Variants in PAPPA observed in about 807,000 individuals in gnomAD.
The protein encoded by PAPPA is pappalysin 1.
PAPPA carries 60 observed loss-of-function variants against 164.0 expected under a neutral mutation model. The ratio of observed to expected loss-of-function variants is 0.37; its 90% confidence interval spans 0.30 to 0.45. The LOEUF is 0.45. Among genes scored for constraint, PAPPA ranks in the 20% least tolerant of loss-of-function variants. The probability of loss-of-function intolerance (pLI) is 1.00; values close to 1 mark genes in which losing one functional copy is unlikely to be tolerated. For missense variants in PAPPA, 1,782 were observed against 2,087.3 expected (o/e 0.85, Z 2.85); for synonymous variants, 875 against 814.1 (o/e 1.07, Z -1.27).
At chr9:116,354,370 T>C (rs979881349) in intron 17 of PAPPA, among the ~76,000 whole-genome samples, 1 of 151,986 alleles carries the variant, frequency 6.6e-6, no homozygotes, top group East Asian at 1.9e-4. Flanking sequence ...GAATCAAGAA[T>C]AGGAAAAAGG....
At chr9:116,230,484 C>T (rs1844576593) in intron 6 of PAPPA, among the ~76,000 whole-genome samples, 1 of 152,098 alleles carries the variant, frequency 6.6e-6, no homozygotes, top group South Asian at 2.1e-4. Context: ...TACTCTGTGC[C>T]CTTGAGTGAG....
intron 8 of PAPPA, 103 bp downstream of exon 8, chr9:116,266,088 G>A (rs965931714): frequency 2.0e-6 from 2 of 985,328 alleles, no homozygotes; most frequent in Non-Finnish European, 1.5e-6. Context: ...TTCAGTGCAT[G>A]AGCTGTGAGC....
chr9:116,322,687 C>T (rs984468087), intron 10 of PAPPA, among the ~76,000 whole-genome samples: 1 of 152,118 alleles, frequency 6.6e-6, no homozygotes, highest in African/African-American at 2.4e-5. Context: ...TTCTTGCACC[C>T]TTGCAATTCT....
At chr9:116,340,458 C>T (rs1325088731) in intron 13 of PAPPA, among the ~76,000 whole-genome samples, 1 of 152,254 alleles carries the variant, frequency 6.6e-6, no homozygotes, top group Non-Finnish European at 1.5e-5. Context: ...CAATTTAAAA[C>T]TCTTAGTCCT....
Position 116,353,813 on chromosome 9 carries a change from A to C in PAPPA, c.4347+20A>C. 6.3e-7 allele frequency: 1 copy of C among 1,592,642 alleles called. No homozygotes were observed. Among genetic ancestry groups the C allele is most frequent in the Non-Finnish European group, 8.6e-7 (1 of 1,163,012 alleles). The stretch of plus-strand genomic sequence containing the variant: ...TCCCAGGTAAGCCTCCTGGAACTTG[A>C]GATTGATACCATGGTCCCTTTCCTT... On this transcript the variant is annotated intron_variant, in intron 17 of 21. Transcript: ENST00000328252.
At chr9:116,381,748 C>T (rs1442936630) in intron 20 of PAPPA, among the ~76,000 whole-genome samples, 2 of 152,122 alleles carry the variant, frequency 1.3e-5, no homozygotes, top group Non-Finnish European at 2.9e-5. Flanking sequence ...TTTGAGTCTC[C>T]GCATCTTCAT....
chr9:116,353,551 G>A (rs1439623577), intron 16 of PAPPA, 71 bp from the exon 17 acceptor site: 18 of 1,338,824 alleles, frequency 1.3e-5, no homozygotes, highest in Admixed American at 5.8e-5. Flanking sequence ...CCCAGCTGGT[G>A]GTGTTCATGC....
At chr9:116,250,582 C>A (rs1844849140) in intron 7 of PAPPA, among the ~76,000 whole-genome samples, 1 of 152,314 alleles carries the variant, frequency 6.6e-6, no homozygotes, top group South Asian at 2.1e-4. Flanking sequence ...TTGAGCTAAG[C>A]TCTGTGTATA....
chr9:116,159,555 A>G (rs952435179), intron 1 of PAPPA, among the ~76,000 whole-genome samples: 1 of 152,212 alleles, frequency 6.6e-6, no homozygotes, highest in Admixed American at 6.5e-5. Flanking sequence ...AACCACTGGG[A>G]CCTTTAAACA....
In PAPPA at chr9:116,223,645, A is replaced by G. The variant is rs1371178033; in HGVS notation, c.2111+3516A>G. ...TTAGCAGCTACGTTGACCATAGTCT[A>G]TGGCTAAAAGAAGTCAGTCCACAAA... On this transcript the variant is annotated intron_variant, in intron 5 of 21. Coordinates refer to ENST00000328252, the MANE Select transcript of PAPPA (RefSeq NM_002581.5). 2.0e-5 allele frequency among the ~76,000 whole-genome samples: 3 copies of G among 152,236 alleles called. No homozygotes were observed. In the East Asian group the frequency reaches 5.8e-4, roughly 29 times the overall value.
At chr9:116,317,640 G>A (rs964542539) in intron 10 of PAPPA, among the ~76,000 whole-genome samples, 3 of 152,270 alleles carry the variant, frequency 2.0e-5, no homozygotes, top group Admixed American at 6.5e-5. Flanking sequence ...TGGTGTTTTC[G>A]TATTCTGGTC....
intron 21 of PAPPA, among the ~76,000 whole-genome samples, chr9:116,392,318 G>A (rs2118729296): frequency 6.6e-6 from 1 of 152,288 alleles, no homozygotes; most frequent in African/African-American, 2.4e-5. Flanking sequence ...TTTGAAGTGG[G>A]GTTTGGAATC....
At chr9:116,215,754 AAAAC>A (rs1328086209) in intron 4 of PAPPA, among the ~76,000 whole-genome samples, 10 of 152,342 alleles carry the variant, frequency 6.6e-5, no homozygotes, top group African/African-American at 1.9e-4. Context: ...TGAAAGTTAA[AAAAC>A]AAACAAACAA....
rs1846972694 is a variant in PAPPA at position 116,396,931 on chromosome 9, G to C, written c.*315G>C. The C allele has an allele frequency of 2.7e-6, 1 of 374,164 alleles. No homozygotes were observed. The highest frequency in any genetic ancestry group is 2.0e-5 in the African/African-American group (1 of 49,408). 23.2% of individuals were successfully genotyped at this position (374,164 alleles called of 1,614,324 possible). Reference sequence around the variant, plus strand: ...CAGCAAGAAACGTGTTCTATATCTAGAGTGTGCCCATCTGTGTTTAGTACA... The same window carrying C: ...CAGCAAGAAACGTGTTCTATATCTACAGTGTGCCCATCTGTGTTTAGTACA... On this transcript the variant is annotated 3_prime_UTR_variant, in exon 22 of 22. Transcript: ENST00000328252.
At chr9:116,366,064 G>T (rs2118645235) in intron 18 of PAPPA, among the ~76,000 whole-genome samples, 1 of 152,288 alleles carries the variant, frequency 6.6e-6, no homozygotes, top group African/African-American at 2.4e-5. Context: ...ATAGCTAATA[G>T]AATAGGATAT....
chr9:116,345,084 C>T (rs1678192261), intron 14 of PAPPA, among the ~76,000 whole-genome samples: 1 of 152,176 alleles, frequency 6.6e-6, no homozygotes, highest in Non-Finnish European at 1.5e-5. Flanking sequence ...GATGCTCATT[C>T]ATTCACTAAT....
At chr9:116,312,518 C>A (rs540569009) in intron 10 of PAPPA, among the ~76,000 whole-genome samples, 1 of 152,120 alleles carries the variant, frequency 6.6e-6, no homozygotes, top group Non-Finnish European at 1.5e-5. Context: ...AAACCACATA[C>A]TCATTTCTCT....
chr9:116,191,754 C>T (rs1203349974), intron 2 of PAPPA, among the ~76,000 whole-genome samples: 2 of 152,146 alleles, frequency 1.3e-5, no homozygotes, highest in African/African-American at 4.8e-5. Context: ...AAGATGCAGA[C>T]TCCATCAGTG....
At chr9:116,247,465 G>T (rs1433724075) in intron 7 of PAPPA, among the ~76,000 whole-genome samples, 1 of 152,190 alleles carries the variant, frequency 6.6e-6, no homozygotes, top group Non-Finnish European at 1.5e-5. Flanking sequence ...TTTGGAAAAT[G>T]ATGAGTTAGT....
Sources: gnomAD v4.1 joint callset for allele counts (sites outside exome capture counted in the v4.1 genomes callset) on GRCh38, gnomAD v4.1.1 for gene constraint, MANE v1.5 for transcripts, NCBI Gene and HGNC (gene_info 2026-07-23, HGNC 2026-07-21) for gene names.